Variants in ARL6IP6 observed in about 807,000 individuals in gnomAD.
ARL6IP6 encodes ARF like GTPase 6 interacting protein 6.
Under a neutral mutation model 21.5 loss-of-function variants are expected in ARL6IP6, and 22 were observed. The ratio of observed to expected loss-of-function variants is 1.02; its 90% CI spans 0.73 to 1.46. ARL6IP6 has a LOEUF of 1.46. ARL6IP6 is among the 40% of genes most tolerant of loss of function. The probability of loss-of-function intolerance (pLI) is 0.00; values close to 1 mark genes in which losing one functional copy is unlikely to be tolerated. For missense variants in ARL6IP6, 388 were observed against 299.8 expected, an observed-to-expected ratio of 1.29 and a Z score of -2.17; for synonymous variants, 164 against 125.3, an observed-to-expected ratio of 1.31 and a Z score of -2.06.
At chr2:152,720,793 T>C (rs1265994001) in intron 2 of ARL6IP6, among the ~76,000 whole-genome samples, 1 of 152,230 alleles carries the variant, frequency 6.6e-6, no homozygotes, top group Admixed American at 6.5e-5. Flanking sequence ...GTATGTTTGC[T>C]ATAATTTTTT....
chr2:152,748,248 C>T (rs1256229746), intron 3 of ARL6IP6, among the ~76,000 whole-genome samples: 3 of 152,184 alleles, frequency 2.0e-5, no homozygotes, highest in Non-Finnish European at 4.4e-5. Context: ...TTGAAATCAA[C>T]TTTGTCTGCT....
At chr2:152,719,267 G>C (rs902946630) in intron 1 of ARL6IP6, among the ~76,000 whole-genome samples, 10 of 152,164 alleles carry the variant, frequency 6.6e-5, no homozygotes, top group African/African-American at 2.4e-4. Context: ...GGGTACTCTT[G>C]AAGAAATATC....
chr2:152,729,542 A>G (rs1312487861), intron 2 of ARL6IP6, among the ~76,000 whole-genome samples: 3 of 152,272 alleles, frequency 2.0e-5, no homozygotes, highest in Non-Finnish European at 4.4e-5. Context: ...TCCTTGGAGC[A>G]TTGTTTGTAA....
At chr2:152,759,319 AAATACTTG>A (rs1337435366) in intron 3 of ARL6IP6, among the ~76,000 whole-genome samples, 19 of 72,652 alleles carry the variant, frequency 2.6e-4, no homozygotes, top group African/African-American at 5.7e-4. Flanking sequence ...CAAACAGAAC[AAATACTTG>A]AAATAATATG....
intron 3 of ARL6IP6, among the ~76,000 whole-genome samples, chr2:152,736,115 T>C (rs1168068066): frequency 1.3e-5 from 2 of 152,212 alleles, no homozygotes; most frequent in African/African-American, 2.4e-5. Context: ...GTAAGTCATA[T>C]GCTTTCCAAT....
In ARL6IP6 at chr2:152,718,850, G is replaced by T; in HGVS notation, c.226G>T (p.Asp76Tyr). 6.2e-7 allele frequency: 1 copy of T among 1,612,838 alleles called. No homozygotes were observed. Among genetic ancestry groups the T allele is most frequent in the Non-Finnish European group, 8.5e-7 (1 of 1,179,310 alleles). ...CAGAAAGCGCTCGGTGCTCCCGCCG[G>T]ACGGGAACGGGTCGCCCGTTCTGCC... ...EPRKRSVLPP[D>Y]GNGSPVLPDK... The change falls in exon 1 of 4, where the codon GAC (aspartate) becomes TAC (tyrosine). Residue 76 changes from aspartate to tyrosine, a missense_variant. Coordinates refer to ENST00000326446, the MANE Select transcript of ARL6IP6 (RefSeq NM_152522.7).
chr2:152,733,382 A>T (rs973667939), intron 2 of ARL6IP6, among the ~76,000 whole-genome samples: 5 of 152,114 alleles, frequency 3.3e-5, no homozygotes, highest in African/African-American at 1.2e-4. Flanking sequence ...CTCCTGCCTC[A>T]GTCTCCCAAG....
intron 3 of ARL6IP6, among the ~76,000 whole-genome samples, chr2:152,758,829 C>A (rs1250811320): frequency 1.3e-5 from 2 of 152,136 alleles, no homozygotes; most frequent in African/African-American, 4.8e-5. Context: ...TTGGCTACTC[C>A]TTAGGAAAGG....
intron 2 of ARL6IP6, among the ~76,000 whole-genome samples, chr2:152,732,737 A>G (rs1405557475): frequency 6.6e-6 from 1 of 152,146 alleles, no homozygotes; most frequent in Non-Finnish European, 1.5e-5. Context: ...CTGGATCCTC[A>G]AGTCCTTTAT....
intron 3 of ARL6IP6, among the ~76,000 whole-genome samples, chr2:152,747,410 T>C (rs947442016): frequency 2.0e-5 from 3 of 152,166 alleles, no homozygotes; most frequent in African/African-American, 7.2e-5. Context: ...TACTCAATTT[T>C]AGTTCAGGTA....
intron 3 of ARL6IP6, among the ~76,000 whole-genome samples, chr2:152,750,216 C>T (rs982942906): frequency 3.3e-5 from 5 of 152,108 alleles, no homozygotes; most frequent in African/African-American, 1.2e-4. Flanking sequence ...CAGTGGCTCA[C>T]GCCTGTATCC....
chr2:152,731,184 T>C (rs1197935756), intron 2 of ARL6IP6, among the ~76,000 whole-genome samples: 1 of 152,208 alleles, frequency 6.6e-6, no homozygotes, highest in African/African-American at 2.4e-5. Context: ...TTCTTCTTTC[T>C]GCTTTGCCAC....
At chr2:152,746,934 T>G (rs1701084399) in intron 3 of ARL6IP6, among the ~76,000 whole-genome samples, 1 of 133,806 alleles carries the variant, frequency 7.5e-6, no homozygotes, top group South Asian at 2.6e-4. Flanking sequence ...CAAACAACCC[T>G]CCTGCCTCCG....
At chr2:152,722,900 T>TC (rs1255234246) in intron 2 of ARL6IP6, among the ~76,000 whole-genome samples, 1 of 152,116 alleles carries the variant, frequency 6.6e-6, no homozygotes, top group Non-Finnish European at 1.5e-5. Flanking sequence ...AGAGCAAGAC[T>TC]CCAACTCAAA....
At chr2:152,734,752 C>CT (rs1700476337) in intron 2 of ARL6IP6, among the ~76,000 whole-genome samples, 1 of 152,110 alleles carries the variant, frequency 6.6e-6, no homozygotes, top group South Asian at 2.1e-4. Context: ...TGAATTTACC[C>CT]TTTTTTCCCA....
chr2:152,747,479 C>G (rs1387092412), intron 3 of ARL6IP6, among the ~76,000 whole-genome samples: 1 of 152,130 alleles, frequency 6.6e-6, no homozygotes, highest in Non-Finnish European at 1.5e-5. Flanking sequence ...CCTTTATGTT[C>G]CAGTAATACT....
chr2:152,738,724 C>G (rs1700663452), intron 3 of ARL6IP6, among the ~76,000 whole-genome samples: 1 of 152,124 alleles, frequency 6.6e-6, no homozygotes, highest in African/African-American at 2.4e-5. Context: ...CATAGGCCTC[C>G]CAGCTTGTGA....
At position 152,762,357 on chromosome 2, in the gene ARL6IP6, G is replaced by T. The variant is rs183628340; in HGVS notation, c.*2517G>T. ...GTGGCAATCCTGCCATTCTTGATAC[G>T]TGAGTCAATAAATTTCTGTCTTTTG... On this transcript the variant is annotated 3_prime_UTR_variant, in exon 4 of 4. Transcript: ENST00000326446. 5.3e-5 allele frequency among the ~76,000 whole-genome samples: 8 copies of T among 152,306 alleles called. No individual in the cohort carries two copies. The highest frequency in any genetic ancestry group is 1.2e-4 in the Non-Finnish European group (8 of 68,022).
intron 2 of ARL6IP6, among the ~76,000 whole-genome samples, chr2:152,726,963 C>G (rs142683375): frequency 1.8e-3 from 273 of 152,012 alleles, no homozygotes; most frequent in Middle Eastern, 6.8e-3. Flanking sequence ...TCTTGATAAA[C>G]AATTATGTTA....
Sources: gnomAD v4.1 joint callset for allele counts (sites outside exome capture counted in the v4.1 genomes callset) on GRCh38, gnomAD v4.1.1 for gene constraint, MANE v1.5 for transcripts, NCBI Gene and HGNC (gene_info 2026-07-23, HGNC 2026-07-21) for gene names.